Variants in CNTN5 observed in about 807,000 individuals in gnomAD.
CNTN5 encodes contactin 5.
In CNTN5, 77 loss-of-function variants were observed where a neutral mutation model predicts 129.1. The observed-to-expected ratio is 0.60, with a 90% CI of 0.50 to 0.72. The LOEUF is 0.72. Ranked by LOEUF, CNTN5 falls within the 30% of genes least tolerant of loss-of-function variation. The pLI is 0.00. For synonymous variants in CNTN5, 509 were observed against 465.6 expected, an observed-to-expected ratio of 1.09 and a Z score of -1.20; for missense variants, 1,478 against 1,328.8, an observed-to-expected ratio of 1.11 and a Z score of -1.75.
At chr11:100,138,215 T>C (rs781012360) in intron 13 of CNTN5, among the ~76,000 whole-genome samples, 28 of 150,878 alleles carry the variant, frequency 1.9e-4, no homozygotes, top group Non-Finnish European at 3.7e-4. Context: ...TGAAATGTTC[T>C]GTAGGCAAGT....
chr11:99,479,567 C>T (rs1436533506), intron 2 of CNTN5, among the ~76,000 whole-genome samples: 1 of 151,932 alleles, frequency 6.6e-6, no homozygotes. Context: ...AATGATCATA[C>T]TTTTCTTACC....
intron 3 of CNTN5, among the ~76,000 whole-genome samples, chr11:99,643,756 T>TTC (rs1951852295): frequency 6.6e-6 from 1 of 152,136 alleles, no homozygotes; most frequent in Non-Finnish European, 1.5e-5. Context: ...CCTATGGTCC[T>TTC]TCTAATGGAA....
At chr11:99,934,090 T>A (rs1038431367) in intron 7 of CNTN5, among the ~76,000 whole-genome samples, 1 of 152,232 alleles carries the variant, frequency 6.6e-6, no homozygotes, top group African/African-American at 2.4e-5. Context: ...TTGCAGCATT[T>A]TGGAATGAAA....
At chr11:99,305,976 G>A (rs1233710968) in intron 1 of CNTN5, among the ~76,000 whole-genome samples, 1 of 150,334 alleles carries the variant, frequency 6.7e-6, no homozygotes, top group Non-Finnish European at 1.5e-5. Flanking sequence ...GTGAAACTCC[G>A]CCTCAAAAAA....
At chr11:100,279,293 A>G (rs555239905) in intron 18 of CNTN5, among the ~76,000 whole-genome samples, 11 of 150,652 alleles carry the variant, frequency 7.3e-5, no homozygotes, top group South Asian at 2.1e-4. Context: ...GTCTTTGTCT[A>G]TTTTTGGTAC....
intron 3 of CNTN5, among the ~76,000 whole-genome samples, chr11:99,620,204 C>T (rs1289745714): frequency 6.6e-6 from 1 of 152,068 alleles, no homozygotes; most frequent in East Asian, 1.9e-4. Flanking sequence ...TGCCACTTTT[C>T]AGCGTTAAGC....
rs117554452 is a variant in CNTN5, at chr11:100,111,689, T to C, written c.1580+37395T>C. Reference sequence around the variant, plus strand: ...CTATCCTCTTAAGAAAATTTAAGTGTACAATCCATTATTGTTGACTATAGG... The same window carrying C: ...CTATCCTCTTAAGAAAATTTAAGTGCACAATCCATTATTGTTGACTATAGG... On this transcript the variant is annotated intron_variant, in intron 13 of 24. Transcript: ENST00000524871. 2.0e-4 allele frequency among the ~76,000 whole-genome samples: 30 copies of C among 152,312 alleles called. No homozygotes were observed. The East Asian group carries it at 5.8e-3, about 29-fold the overall frequency.
intron 3 of CNTN5, among the ~76,000 whole-genome samples, chr11:99,789,264 T>A (rs989329622): frequency 6.6e-6 from 1 of 151,948 alleles, no homozygotes; most frequent in South Asian, 2.1e-4. Flanking sequence ...CATACATATT[T>A]TCTCAATATT....
intron 3 of CNTN5, among the ~76,000 whole-genome samples, chr11:99,784,064 A>C (rs1188082297): frequency 6.6e-6 from 1 of 152,128 alleles, no homozygotes; most frequent in Non-Finnish European, 1.5e-5. Flanking sequence ...ACTCAAATGT[A>C]TGTACACATA....
At chr11:99,506,591 G>A (rs944150297) in intron 2 of CNTN5, among the ~76,000 whole-genome samples, 4 of 80,768 alleles carry the variant, frequency 5.0e-5, no homozygotes, top group African/African-American at 1.8e-4. Context: ...TATAGTGTTT[G>A]TATAGTAAAA....
At chr11:99,903,431 A>C (rs1949410865) in intron 6 of CNTN5, among the ~76,000 whole-genome samples, 1 of 152,022 alleles carries the variant, frequency 6.6e-6, no homozygotes, top group African/African-American at 2.4e-5. Context: ...GGAAAAAAAA[A>C]CTATTTCTTT....
chr11:100,036,521 T>C (rs1205816296), intron 9 of CNTN5, among the ~76,000 whole-genome samples: 5 of 146,928 alleles, frequency 3.4e-5, no homozygotes, highest in Non-Finnish European at 7.6e-5. Flanking sequence ...ATTGGTAGCT[T>C]GATGGGGATG....
chr11:100,320,052 C>T (rs578238561), intron 21 of CNTN5, among the ~76,000 whole-genome samples: 12 of 152,194 alleles, frequency 7.9e-5, no homozygotes, highest in Non-Finnish European at 1.6e-4. Context: ...ATACTGATTT[C>T]ATTTTATTCG....
chr11:99,333,749 T>C (rs1222650119), intron 2 of CNTN5, among the ~76,000 whole-genome samples: 2 of 151,978 alleles, frequency 1.3e-5, no homozygotes, highest in East Asian at 3.9e-4. Context: ...GCAGTGGAAA[T>C]AACAGAGATG....
chr11:99,364,451 G>A (rs1939320346), intron 2 of CNTN5, among the ~76,000 whole-genome samples: 2 of 152,010 alleles, frequency 1.3e-5, no homozygotes, highest in African/African-American at 4.8e-5. Flanking sequence ...TTACCTCCTT[G>A]CTAAAGGTAA....
At chr11:99,643,506 TATCTC>T (rs1287652375) in intron 3 of CNTN5, among the ~76,000 whole-genome samples, 1 of 152,210 alleles carries the variant, frequency 6.6e-6, no homozygotes, top group African/African-American at 2.4e-5. Flanking sequence ...TAACTATACT[TATCTC>T]ATAGGTTTGT....
chr11:99,590,642 A>G (rs1020537066), intron 3 of CNTN5, among the ~76,000 whole-genome samples: 6 of 152,246 alleles, frequency 3.9e-5, no homozygotes, highest in African/African-American at 1.2e-4. Flanking sequence ...CATGGCAAGA[A>G]CATTCCAGAC....
rs148183897 is a variant in CNTN5 at position 100,218,048 on chromosome 11, T to G, written c.1885-6644T>G. Among the ~76,000 whole-genome samples the G allele has an allele frequency of 5.3e-5, 8 of 152,326 alleles. No individual in the cohort carries two copies. In the East Asian group the frequency reaches 9.6e-4, roughly 18 times the overall value. On this transcript the variant is annotated intron_variant, in intron 15 of 24. Coordinates refer to ENST00000524871, the MANE Select transcript of CNTN5 (RefSeq NM_014361.4). ...TCAACTGAGATACTGTCCTCTTTCC[T>G]TTGTCATTAACAAACCAGTATAAAG...
chr11:99,346,887 C>T (rs1937916922), intron 2 of CNTN5, among the ~76,000 whole-genome samples: 1 of 152,178 alleles, frequency 6.6e-6, no homozygotes, highest in African/African-American at 2.4e-5. Flanking sequence ...AGCTGCTACA[C>T]CTTTATCTTG....
Sources: allele counts gnomAD v4.1 joint callset (sites outside exome capture counted in the v4.1 genomes callset), GRCh38; gene constraint gnomAD v4.1.1; transcripts MANE v1.5; gene names NCBI Gene and HGNC (gene_info 2026-07-23, HGNC 2026-07-21).